Variants in SEL1L3 observed in about 807,000 individuals in gnomAD.
SEL1L3 encodes protein sel-1 homolog 3.
A neutral mutation model predicts 142.8 loss-of-function variants in SEL1L3; 76 were observed. The ratio of observed to expected loss-of-function variants is 0.53; its 90% CI spans 0.44 to 0.64. The LOEUF is 0.64. Ranked by LOEUF, SEL1L3 falls within the 30% of genes least tolerant of loss-of-function variation. The probability of loss-of-function intolerance (pLI) is 0.00; values close to 1 mark genes in which losing one functional copy is unlikely to be tolerated. For missense variants in SEL1L3, 1,262 were observed against 1,381.7 expected, an observed-to-expected ratio of 0.91 and a Z score of 1.37; for synonymous variants, 504 against 519.6, an observed-to-expected ratio of 0.97 and a Z score of 0.41.
intron 9 of SEL1L3, among the ~76,000 whole-genome samples, chr4:25,815,471 T>A (rs997282267): frequency 6.6e-6 from 1 of 152,192 alleles, no homozygotes; most frequent in African/African-American, 2.4e-5. Context: ...TAAACAGAAT[T>A]TTGAGCTGCA....
At chr4:25,823,322 C>G (rs1183614141) in intron 6 of SEL1L3, among the ~76,000 whole-genome samples, 1 of 152,108 alleles carries the variant, frequency 6.6e-6, no homozygotes, top group Admixed American at 6.5e-5. Flanking sequence ...TCAAGACCAG[C>G]CTGGCCAACA....
chr4:25,757,722 C>G lies in SEL1L3; in HGVS notation c.3152G>C (p.Arg1051Pro). 1 of 1,598,158 alleles carries G rather than the reference C, an allele frequency of 6.3e-7. No individual in the cohort carries two copies. Among genetic ancestry groups the G allele is most frequent in the Non-Finnish European group, 8.5e-7 (1 of 1,172,586 alleles). Residue 1051 changes from arginine (R) to proline (P), a missense_variant, in exon 22 of 24, where the codon CGG (arginine) becomes CCG (proline). Arg to Pro is a moderately radical substitution (Grantham distance 103). Transcript: ENST00000399878. ...GTGCAGGATAGCACCCCAGAGAAGC[C>G]GCAAGTGCAGGTAAAGCCAGGCCAA... is the stretch of plus-strand genomic sequence containing the variant. The part of the protein sequence containing the change: ...CSLAWLYLHL[R>P]LLWGAILHSA...
chr4:25,733,063 A>ATTT, the SEL1L3 span, among the ~76,000 whole-genome samples: 1 of 146,480 alleles, frequency 6.8e-6, no homozygotes, highest in African/African-American at 2.5e-5. Flanking sequence ...TAACTTTGTT[A>ATTT]TTTTTTTTTT....
the SEL1L3 span, among the ~76,000 whole-genome samples, chr4:25,723,239 A>T: frequency 2.0e-5 from 3 of 152,190 alleles, no homozygotes; most frequent in African/African-American, 7.2e-5. Context: ...TGATTAGGAG[A>T]ACATCTGAGC....
intron 1 of SEL1L3, among the ~76,000 whole-genome samples, chr4:25,849,432 G>T (rs193151803): frequency 2.6e-5 from 4 of 152,308 alleles, no homozygotes; most frequent in Admixed American, 1.3e-4. Flanking sequence ...CTAGACACAA[G>T]AGAACAGACA....
the SEL1L3 span, among the ~76,000 whole-genome samples, chr4:25,736,470 C>A: frequency 6.6e-6 from 1 of 151,994 alleles, no homozygotes; most frequent in Non-Finnish European, 1.5e-5. Context: ...GTGATCCACC[C>A]TCCTCGGCCT....
chr4:25,783,908 G>C (rs749164381), intron 14 of SEL1L3, among the ~76,000 whole-genome samples: 24 of 152,032 alleles, frequency 1.6e-4, no homozygotes, highest in Admixed American at 2.6e-4. Flanking sequence ...AATTTCCAGG[G>C]GTCCTGCTGC....
At chr4:25,809,724 T>C (rs1352876695) in intron 9 of SEL1L3, among the ~76,000 whole-genome samples, 2 of 152,236 alleles carry the variant, frequency 1.3e-5, no homozygotes, top group African/African-American at 2.4e-5. Context: ...TTTGTTTTCT[T>C]GGTGTCTCTG....
chr4:25,859,855 C>A (rs1312387058), intron 1 of SEL1L3, among the ~76,000 whole-genome samples: 1 of 152,200 alleles, frequency 6.6e-6, no homozygotes, highest in Admixed American at 6.5e-5. Flanking sequence ...TATTCTGTGG[C>A]CTGCGCTTCC....
At chr4:25,815,885 T>A (rs910153664) in intron 9 of SEL1L3, among the ~76,000 whole-genome samples, 2 of 150,226 alleles carry the variant, frequency 1.3e-5, no homozygotes, top group Non-Finnish European at 3.0e-5. Flanking sequence ...GTGCTTTTGG[T>A]ATCTAGTTGT....
At position 25,835,332 on chromosome 4, in the gene SEL1L3, A is replaced by G. The variant is rs1715747917; in HGVS notation, c.734-9T>C. ...AAGCAGGGCAACCACATCTGCAAAC[A>G]GCAAAATGGCTCCCTTTCAATTATA... On this transcript the variant is annotated splice_polypyrimidine_tract_variant and intron_variant, in intron 2 of 23. Coordinates refer to ENST00000399878, the MANE Select transcript of SEL1L3 (RefSeq NM_015187.5). 1.9e-6 allele frequency: 3 copies of G among 1,612,972 alleles called. No homozygotes were observed. The highest frequency in any genetic ancestry group is 2.2e-5 in the South Asian group (2 of 90,974).
At chr4:25,722,970 CCAAGGAGAGTTACGTGGA>C in the SEL1L3 span, among the ~76,000 whole-genome samples, 1 of 152,096 alleles carries the variant, frequency 6.6e-6, no homozygotes, top group African/African-American at 2.4e-5. Flanking sequence ...ATGAACCAGT[CCAAGGAGAGTTACGTGGA>C]CAAGGAGAGT....
intron 2 of SEL1L3, among the ~76,000 whole-genome samples, chr4:25,836,427 A>T (rs1400437044): frequency 6.6e-6 from 1 of 152,066 alleles, no homozygotes; most frequent in Admixed American, 6.5e-5. Context: ...TGGGCAGATC[A>T]CTTGAGGTCA....
In SEL1L3 at chr4:25,788,723, C is replaced by T. The variant is rs772424656; in HGVS notation, c.2077-359G>A. ...GGTATTGCCCTTTCTTTTGGCCCAG[C>T]GATTGGCATGGAGGTCTCTGCACAT... is the stretch of plus-strand genomic sequence containing the variant. On this transcript the variant is annotated intron_variant, in intron 12 of 23. Transcript: ENST00000399878. This position sits in a 1 kb window ranked among gnomAD's most constrained non-coding sequence, Gnocchi z 5.3. 3.9e-5 allele frequency among the ~76,000 whole-genome samples: 6 copies of T among 151,962 alleles called. No individual in the cohort carries two copies. In the South Asian group the frequency reaches 1.0e-3, roughly 26 times the overall value.
chr4:25,846,967 G>A (rs1252205956), intron 2 of SEL1L3, among the ~76,000 whole-genome samples: 1 of 149,738 alleles, frequency 6.7e-6, no homozygotes, highest in Non-Finnish European at 1.5e-5. Flanking sequence ...TGGAAGGTGA[G>A]TGGGAAGATT....
intron 23 of SEL1L3, 132 bp downstream of exon 23, chr4:25,757,402 A>C: frequency 1.4e-6 from 1 of 692,958 alleles, no homozygotes; most frequent in Non-Finnish European, 2.4e-6. Context: ...CCCTAGGGAT[A>C]GGAGATAGCA....
chr4:25,735,793 C>T, the SEL1L3 span, among the ~76,000 whole-genome samples: 21 of 129,870 alleles, frequency 1.6e-4, no homozygotes, highest in African/African-American at 5.1e-4. Context: ...CCAGTGGATT[C>T]TTTAGCAGCA....
intron 1 of SEL1L3, among the ~76,000 whole-genome samples, chr4:25,852,585 G>A (rs750113962): frequency 6.6e-6 from 1 of 152,170 alleles, no homozygotes; most frequent in African/African-American, 2.4e-5. Context: ...TGGCCAACAC[G>A]CCTTATTCCA....
At chr4:25,836,492 C>CA (rs1296119133) in intron 2 of SEL1L3, among the ~76,000 whole-genome samples, 29 of 148,212 alleles carry the variant, frequency 2.0e-4, no homozygotes, top group South Asian at 4.3e-4. Flanking sequence ...ACTAAAAATA[C>CA]AAAAAAAAAA....
Sources: allele counts gnomAD v4.1 joint callset (sites outside exome capture counted in the v4.1 genomes callset), GRCh38; gene constraint gnomAD v4.1.1; non-coding constraint Gnocchi (gnomAD v3.1); transcripts MANE v1.5; gene names NCBI Gene and HGNC (gene_info 2026-07-23, HGNC 2026-07-21).